The following ETFA variants were observed in gnomAD, a reference collection of about 807,000 sequenced individuals.
ETFA encodes the protein electron transfer flavoprotein subunit alpha, mitochondrial.
ETFA carries 22 observed loss-of-function variants against 46.2 expected under a neutral mutation model. The observed-to-expected ratio is 0.48, with a 90% CI of 0.34 to 0.68. The LOEUF is 0.68. ETFA is among the 30% of genes least tolerant of loss of function. ETFA has a pLI of 0.01. For missense variants in ETFA, 345 were observed against 401.1 expected (o/e 0.86, Z 1.19); for synonymous variants, 131 against 139.9 (o/e 0.94, Z 0.45).
At chr15:76,307,288 T>C (rs2039948092) in intron 1 of ETFA, among the ~76,000 whole-genome samples, 2 of 152,212 alleles carry the variant, frequency 1.3e-5, no homozygotes, top group Non-Finnish European at 2.9e-5. Context: ...TAGCTCTTTA[T>C]TATAGATATA....
At chr15:76,269,719 C>G (rs913725498) in intron 9 of ETFA, among the ~76,000 whole-genome samples, 1 of 152,152 alleles carries the variant, frequency 6.6e-6, no homozygotes, top group Admixed American at 6.5e-5. Context: ...CAGAAAACAT[C>G]TGACAAAATT....
intron 9 of ETFA, among the ~76,000 whole-genome samples, chr15:76,236,249 CAG>C (rs1457716743): frequency 6.6e-6 from 1 of 152,190 alleles, no homozygotes; most frequent in African/African-American, 2.4e-5. Context: ...AAGCCCCAAA[CAG>C]AGTTATTCGA....
intron 9 of ETFA, among the ~76,000 whole-genome samples, chr15:76,246,428 C>T (rs1278444800): frequency 6.6e-6 from 1 of 152,216 alleles, no homozygotes; most frequent in Non-Finnish European, 1.5e-5. Flanking sequence ...TAAAAACAGA[C>T]AGCCAACATA....
chr15:76,227,943 A>G (rs1240250345), intron 10 of ETFA: 16 of 455,986 alleles, frequency 3.5e-5, no homozygotes, highest in Non-Finnish European at 6.6e-5. Flanking sequence ...ATGCATAGTC[A>G]GAGACAATAA....
intron 9 of ETFA, among the ~76,000 whole-genome samples, chr15:76,252,984 G>A (rs1177917620): frequency 6.7e-6 from 1 of 149,398 alleles, no homozygotes; most frequent in Non-Finnish European, 1.5e-5. Context: ...TATGATCATA[G>A]TGTACTACAG....
chr15:76,242,539 C>CT (rs1470150168), intron 9 of ETFA, among the ~76,000 whole-genome samples: 2 of 152,120 alleles, frequency 1.3e-5, no homozygotes, highest in East Asian at 3.9e-4. Flanking sequence ...AATTCCAATC[C>CT]TAAGTATATA....
chr15:76,248,901 A>C (rs1293341131), intron 9 of ETFA, among the ~76,000 whole-genome samples: 1 of 152,162 alleles, frequency 6.6e-6, no homozygotes, highest in Non-Finnish European at 1.5e-5. Flanking sequence ...AAAAATTCCA[A>C]GAATCAGTAA....
At chr15:76,227,798 G>A in intron 10 of ETFA, 1 of 456,052 alleles carries the variant, frequency 2.2e-6, no homozygotes, top group Non-Finnish European at 4.4e-6. Flanking sequence ...CAGGCTACAG[G>A]ATATCCAACA....
At chr15:76,264,610 T>G (rs1241757726) in intron 9 of ETFA, among the ~76,000 whole-genome samples, 1 of 152,238 alleles carries the variant, frequency 6.6e-6, no homozygotes, top group Non-Finnish European at 1.5e-5. Flanking sequence ...CAGGATGTTA[T>G]AATACAGCTT....
chr15:76,287,908 G>T lies in ETFA; in HGVS notation c.389C>A (p.Ala130Asp). The change falls in exon 5 of 12, where the codon GCC becomes GAC. Residue 130 changes from alanine to aspartate, a missense_variant. Physicochemically the swap from Ala to Asp is moderately radical, Grantham distance 126. Transcript: ENST00000557943. ...GATTGCAATGATGTCAGAAATCGGG[G>T]CAACCTCAAGTTTGGCTGCTACTCT... Reference protein sequence around the residue: ...LPRVAAKLEVAPISDIIAIKS... With the variant: ...LPRVAAKLEVDPISDIIAIKS... 6.2e-7 allele frequency: 1 copy of T among 1,613,976 alleles called. No individual in the cohort carries two copies. The highest frequency in any genetic ancestry group is 8.5e-7 in the Non-Finnish European group (1 of 1,179,926).
At chr15:76,275,138 C>A (rs1037116004) in intron 8 of ETFA, among the ~76,000 whole-genome samples, 1 of 152,056 alleles carries the variant, frequency 6.6e-6, no homozygotes, top group African/African-American at 2.4e-5. Context: ...TATGTCTGTC[C>A]CCATAAGCCC....
At chr15:76,258,226 T>C (rs2039366054) in intron 9 of ETFA, among the ~76,000 whole-genome samples, 1 of 152,110 alleles carries the variant, frequency 6.6e-6, no homozygotes, top group Non-Finnish European at 1.5e-5. Flanking sequence ...GCTCAGATTG[T>C]GGGCATGGAG....
intron 9 of ETFA, among the ~76,000 whole-genome samples, chr15:76,262,474 CTTTTTTTTTTTTTTT>C (rs60480510): frequency 1.2e-5 from 1 of 84,688 alleles, no homozygotes; most frequent in Non-Finnish European, 2.2e-5. Flanking sequence ...ATCAAACCCC[CTTTTTTTTTTTTTTT>C]TTTTTTTTTT....
intron 11 of ETFA, among the ~76,000 whole-genome samples, chr15:76,223,058 C>G (rs1309335835): frequency 6.6e-6 from 1 of 152,070 alleles, no homozygotes; most frequent in African/African-American, 2.4e-5. Context: ...TGGTCTCCTA[C>G]TCCTGGACTC....
intron 10 of ETFA, chr15:76,226,352 A>G (rs541462936): frequency 2.2e-4 from 41 of 188,500 alleles, no homozygotes; most frequent in African/African-American, 9.8e-4. Context: ...TGGGAGGCCA[A>G]GACGGGTGAA....
intron 9 of ETFA, among the ~76,000 whole-genome samples, chr15:76,237,353 G>T (rs1194826374): frequency 1.3e-5 from 2 of 152,178 alleles, no homozygotes; most frequent in South Asian, 4.2e-4. Context: ...ATGCCTGGCC[G>T]ATACTTAGAA....
Position 76,216,395 on chromosome 15 carries a change from C to T in ETFA, c.*164G>A, listed in dbSNP as rs2142100996. 1 of 596,842 alleles carries T rather than the reference C, an allele frequency of 1.7e-6. No individual in the cohort carries two copies. The highest frequency in any genetic ancestry group is 3.0e-6 in the Non-Finnish European group (1 of 336,416). The allele number at this position is 596,842 out of a possible 1,614,324, so 37.0% of individuals were successfully genotyped here. On this transcript the variant is annotated 3_prime_UTR_variant, in exon 12 of 12. Transcript: ENST00000557943. Reference sequence around the variant, plus strand: ...AACCACAAATAATTAAAAGGAAACACAGCAATCCCATAAACAAGCATTCTG... The same window carrying T: ...AACCACAAATAATTAAAAGGAAACATAGCAATCCCATAAACAAGCATTCTG...
chr15:76,253,331 T>A (rs1235198944), intron 9 of ETFA, among the ~76,000 whole-genome samples: 1 of 152,192 alleles, frequency 6.6e-6, no homozygotes, highest in Non-Finnish European at 1.5e-5. Context: ...ATTCACGGCA[T>A]CCTTTGAGTA....
chr15:76,227,041 A>C (rs544909972), intron 10 of ETFA, among the ~76,000 whole-genome samples: 5 of 152,172 alleles, frequency 3.3e-5, no homozygotes, highest in Admixed American at 6.5e-5. Context: ...TTAATAAAAG[A>C]AGCAAATTAC....
Sources: allele counts gnomAD v4.1 joint callset (sites outside exome capture counted in the v4.1 genomes callset), GRCh38; gene constraint gnomAD v4.1.1; transcripts MANE v1.5; gene names NCBI Gene and HGNC (gene_info 2026-07-23, HGNC 2026-07-21).